The following ZNF480 variants were observed in gnomAD, a reference collection of about 807,000 sequenced individuals.
ZNF480 encodes the protein zinc finger protein 480.
Under a neutral mutation model 14.4 loss-of-function variants are expected in ZNF480, and 15 were observed. The observed-to-expected ratio is 1.04, with a 90% CI of 0.70 to 1.60. The LOEUF is 1.60. ZNF480 is among the 40% of genes most tolerant of loss of function. The probability of loss-of-function intolerance (pLI) is 0.00; values close to 1 mark genes in which losing one functional copy is unlikely to be tolerated. For missense variants in ZNF480, 593 were observed against 629.7 expected (o/e 0.94, Z 0.62); for synonymous variants, 218 against 215.5 (o/e 1.01, Z -0.10).
At position 52,323,147 on chromosome 19, in the gene ZNF480, C is replaced by T. The variant is rs139680445; in HGVS notation, c.*289C>T. ...CATTACCACCAACCCCACAGAAATA[C>T]GAAAAACCCTCAAAGATTACTATAA... On this transcript the variant is annotated 3_prime_UTR_variant, in exon 5 of 5. Coordinates refer to ENST00000595962, the MANE Select transcript of ZNF480 (RefSeq NM_144684.4). The T allele has an allele frequency of 4.5e-3, 1,244 of 279,538 alleles. 6 individuals carry two copies. Among genetic ancestry groups the T allele is most frequent in the Non-Finnish European group, 5.7e-3 (849 of 149,970 alleles). The allele number at this position is 279,538 out of a possible 1,614,324, so 17.3% of individuals were successfully genotyped here. A position where few individuals can be genotyped will look rare whatever the true frequency, so the allele number is the denominator to read the frequency against.
intron 2 of ZNF480, among the ~76,000 whole-genome samples, chr19:52,312,760 G>C (rs1983350365): frequency 6.6e-6 from 1 of 152,000 alleles, no homozygotes. Context: ...TTAGAATAGT[G>C]CCTGTCACAT....
At chr19:52,298,978 C>G (rs62110449) in intron 1 of ZNF480, among the ~76,000 whole-genome samples, 9,711 of 152,166 alleles carry the variant, frequency 0.064, 419 homozygotes, top group Middle Eastern at 0.14. Context: ...ATTGATTTAT[C>G]TATTTATAAT....
chr19:52,300,624 G>T, intron 2 of ZNF480, 140 bp downstream of exon 2: 2 of 1,457,556 alleles, frequency 1.4e-6, no homozygotes, highest in Non-Finnish European at 1.9e-6. Flanking sequence ...CCTCAGTGCC[G>T]AGACCAGCTT....
Position 52,299,925 on chromosome 19 carries a change from G to A in ZNF480, c.-19-469G>A, listed in dbSNP as rs184584406. ...GCCAGGGTGGAATAAATGGAGTTCA[G>A]TACTGTTTGAAGTTCCAGGCATCCA... is the stretch of plus-strand genomic sequence containing the variant. On this transcript the variant is annotated intron_variant, in intron 1 of 4. Coordinates refer to ENST00000595962, the MANE Select transcript of ZNF480 (RefSeq NM_144684.4). Among the ~76,000 whole-genome samples, 6 of 152,316 alleles carry A rather than the reference G, an allele frequency of 3.9e-5. No homozygotes were observed. The East Asian group carries it at 1.2e-3, about 29-fold the overall frequency.
In ZNF480 at chr19:52,300,252, T is replaced by A. The variant is rs1982622948; in HGVS notation, c.-19-142T>A. ...ACTTGTTGTTCTTCCTGTAGGAGTT[T>A]CTTGTCTCTGCATCAACTCTGGTGC... is the stretch of plus-strand genomic sequence containing the variant. On this transcript the variant is annotated intron_variant, in intron 1 of 4. Transcript: ENST00000595962. 2 of 885,124 alleles carry A rather than the reference T, an allele frequency of 2.3e-6. 1 individual carries two copies. Among genetic ancestry groups the A allele is most frequent in the Non-Finnish European group, 3.4e-6 (2 of 590,986 alleles). 54.8% of individuals were successfully genotyped at this position (885,124 alleles called of 1,614,324 possible). A position where few individuals can be genotyped will look rare whatever the true frequency, so the allele number is the denominator to read the frequency against.
At chr19:52,298,132 G>T (rs1355648820) in intron 1 of ZNF480, among the ~76,000 whole-genome samples, 3 of 152,062 alleles carry the variant, frequency 2.0e-5, no homozygotes, top group Non-Finnish European at 4.4e-5. Flanking sequence ...GTTTGAGAGT[G>T]GGGGAGAGGG....
intron 2 of ZNF480, chr19:52,302,009 A>C (rs1982715670): frequency 5.6e-6 from 1 of 179,352 alleles, no homozygotes; most frequent in South Asian, 1.1e-4. Flanking sequence ...CCTTATTGTC[A>C]GTCTCGACAT....
In ZNF480 at chr19:52,321,815, T is replaced by C. The variant is rs1294859761; in HGVS notation, c.565T>C (p.Phe189Leu). Reference protein sequence around the residue: ...FNRNDFDDSSFLPQEQKVHLR... With the variant: ...FNRNDFDDSSLLPQEQKVHLR... ...TAGGAATGATTTTGATGATTCTTCA[T>C]TTCTCCCACAAGAACAGAAAGTACA... Residue 189 changes from phenylalanine to leucine, a missense_variant, in exon 5 of 5, where the codon TTT (phenylalanine) becomes CTT (leucine). Physicochemically the swap from Phe to Leu is conservative, Grantham distance 22 (BLOSUM62 0). Coordinates refer to ENST00000595962, the MANE Select transcript of ZNF480 (RefSeq NM_144684.4). The C allele has an allele frequency of 1.2e-6, 2 of 1,613,928 alleles. No homozygotes were observed. The highest frequency in any genetic ancestry group is 1.3e-5 in the African/African-American group (1 of 75,020).
At chr19:52,297,419 C>G (rs1982454780) in intron 1 of ZNF480, among the ~76,000 whole-genome samples, 196 bp downstream of exon 1, 2 of 151,896 alleles carry the variant, frequency 1.3e-5, no homozygotes, top group East Asian at 3.9e-4. Context: ...TCCTGTCCCC[C>G]GTCCTTCTGC....
chr19:52,300,506 A>C (rs755926968), intron 2 of ZNF480, 22 bp downstream of exon 2: 1 of 1,607,722 alleles, frequency 6.2e-7, no homozygotes. Context: ...TTCTCGGTGG[A>C]TTGTTCTGTC....
chr19:52,304,154 C>G (rs185401502), intron 2 of ZNF480, among the ~76,000 whole-genome samples: 2 of 152,290 alleles, frequency 1.3e-5, no homozygotes, highest in East Asian at 1.9e-4. Context: ...GCAACACTTT[C>G]CAATGAAAAC....
chr19:52,301,921 C>G (rs1047611213), intron 2 of ZNF480: 2 of 157,962 alleles, frequency 1.3e-5, no homozygotes, highest in African/African-American at 4.8e-5. Context: ...TTCAAGAAAA[C>G]AATGTACATT....
intron 2 of ZNF480, among the ~76,000 whole-genome samples, chr19:52,308,090 A>G (rs1226591801): frequency 1.3e-5 from 2 of 152,026 alleles, no homozygotes; most frequent in Non-Finnish European, 2.9e-5. Context: ...GGTTCTGGGA[A>G]GGGCTCACTC....
chr19:52,311,331 A>T (rs1467733257), intron 2 of ZNF480, among the ~76,000 whole-genome samples: 7 of 151,804 alleles, frequency 4.6e-5, no homozygotes, highest in Non-Finnish European at 4.4e-5. Context: ...TTTTTAAAAT[A>T]TTATATATAA....
chr19:52,315,120 G>A (rs79268772), intron 3 of ZNF480, among the ~76,000 whole-genome samples: 13,511 of 151,798 alleles, frequency 0.089, 927 homozygotes, highest in African/African-American at 0.19. Flanking sequence ...CACCACACCT[G>A]GCTAATTTTT....
intron 2 of ZNF480, among the ~76,000 whole-genome samples, chr19:52,309,241 C>T (rs529245624): frequency 8.5e-5 from 13 of 152,294 alleles, no homozygotes; most frequent in Middle Eastern, 3.4e-3. Context: ...AGGGAAGATG[C>T]GCTCTGGTCA....
intron 4 of ZNF480, among the ~76,000 whole-genome samples, chr19:52,321,246 A>G (rs566422132): frequency 1.3e-5 from 2 of 152,068 alleles, no homozygotes; most frequent in Non-Finnish European, 2.9e-5. Context: ...TTGTGCATGT[A>G]CTGTTATTAT....
chr19:52,310,830 C>G (rs866311796), intron 2 of ZNF480, among the ~76,000 whole-genome samples: 8 of 150,726 alleles, frequency 5.3e-5, no homozygotes, highest in South Asian at 2.1e-4. Context: ...GAAACCCTGT[C>G]TCTACTAAAA....
intron 4 of ZNF480, among the ~76,000 whole-genome samples, chr19:52,318,570 A>C (rs181894251): frequency 2.6e-5 from 4 of 152,204 alleles, no homozygotes; most frequent in Admixed American, 1.3e-4. Context: ...TCTTTCCTGT[A>C]CTATCAATTT....
Sources: gnomAD v4.1 joint callset for allele counts (sites outside exome capture counted in the v4.1 genomes callset) on GRCh38, gnomAD v4.1.1 for gene constraint, MANE v1.5 for transcripts, NCBI Gene and HGNC (gene_info 2026-07-23, HGNC 2026-07-21) for gene names.